Variants in CFAP43 observed in about 807,000 individuals in gnomAD.
The protein encoded by CFAP43 is cilia and flagella associated protein 43, also known as cilia- and flagella-associated protein 43.
In CFAP43, 155 loss-of-function variants were observed where a neutral mutation model predicts 218.9. That is an observed-to-expected ratio of 0.71 (90% CI 0.62 to 0.81). CFAP43 has a LOEUF of 0.81. Among genes scored for constraint, CFAP43 ranks in the 30% least tolerant of loss-of-function variants. The probability of loss-of-function intolerance (pLI) is 0.00; values close to 1 mark genes in which losing one functional copy is unlikely to be tolerated. For synonymous variants in CFAP43, 645 were observed against 681.3 expected, an observed-to-expected ratio of 0.95 and a Z score of 0.83; for missense variants, 1,778 against 1,954.3, an observed-to-expected ratio of 0.91 and a Z score of 1.70.
At chr10:104,130,916 T>C (rs746272464) in intron 37 of CFAP43, among the ~76,000 whole-genome samples, 2 of 150,252 alleles carry the variant, frequency 1.3e-5, no homozygotes, top group Non-Finnish European at 3.0e-5. Flanking sequence ...GGAGGATCAA[T>C]TGAGCCCAGG....
Position 104,131,506 on chromosome 10 carries a change from C to T in CFAP43, c.4678-22G>A, listed in dbSNP as rs1011608944. ...GCATCTGAAATTTTTGTTCCCATGA[C>T]ACCCCACAAAATTAATTTTGAAAAA... On this transcript the variant is annotated intron_variant, in intron 36 of 37. Transcript: ENST00000357060. 1.9e-6 allele frequency: 3 copies of T among 1,590,466 alleles called. No individual in the cohort carries two copies. The African/African-American group carries it at 4.1e-5, about 22-fold the overall frequency.
At chr10:104,141,487 C>T (rs2134748370) in intron 33 of CFAP43, among the ~76,000 whole-genome samples, 1 of 152,196 alleles carries the variant, frequency 6.6e-6, no homozygotes, top group African/African-American at 2.4e-5. Context: ...TGACAGGCAC[C>T]TGTAATCCCA....
Position 104,152,618 on chromosome 10 carries a change from C to A in CFAP43, c.3649G>T (p.Val1217Phe). The change falls in exon 28 of 38, where the codon GTT becomes TTT. Residue 1217 changes from valine to phenylalanine, a missense_variant. Transcript: ENST00000357060. ...LFERRVKAEM[V>F]TNQEELKISN... ...AAGCTTTTATTTACCTGGTTGGTAACCATCTCTGCCTTCACTCTCCTTTCA... is the reference window on the plus strand; with the variant it reads ...AAGCTTTTATTTACCTGGTTGGTAAACATCTCTGCCTTCACTCTCCTTTCA... 1 of 1,613,626 alleles carries A rather than the reference C, an allele frequency of 6.2e-7. No individual in the cohort carries two copies. Among genetic ancestry groups the A allele is most frequent in the Non-Finnish European group, 8.5e-7 (1 of 1,179,774 alleles).
At chr10:104,198,896 C>A (rs963164597) in intron 8 of CFAP43, among the ~76,000 whole-genome samples, 5 of 152,184 alleles carry the variant, frequency 3.3e-5, no homozygotes, top group Non-Finnish European at 7.3e-5. Context: ...AGTAATCCCC[C>A]CTCCTCGACC....
intron 5 of CFAP43, among the ~76,000 whole-genome samples, 154 bp downstream of exon 5, chr10:104,211,853 C>A (rs2090872816): frequency 6.6e-6 from 1 of 152,192 alleles, no homozygotes; most frequent in African/African-American, 2.4e-5. Flanking sequence ...CCAGAGTCTT[C>A]ATCTCTCACA....
rs2087664885 is a variant in CFAP43 at position 104,140,697 on chromosome 10, C to T, written c.4431+145G>A. 9.9e-6 allele frequency: 6 copies of T among 604,528 alleles called. No homozygotes were observed. In the East Asian group the frequency reaches 1.9e-4, roughly 19 times the overall value. The allele number at this position is 604,528 out of a possible 1,614,324, so 37.4% of individuals were successfully genotyped here. ...GTGTGGTGGTGTGAACCTGTACTCC[C>T]AGCTACTTGGGAGGTGAAGGTGGGA... On this transcript the variant is annotated intron_variant, in intron 34 of 37. Coordinates refer to ENST00000357060, the MANE Select transcript of CFAP43 (RefSeq NM_025145.7).
chr10:104,138,466 G>C (rs2087551404), intron 34 of CFAP43, among the ~76,000 whole-genome samples: 1 of 151,642 alleles, frequency 6.6e-6, no homozygotes, highest in Non-Finnish European at 1.5e-5. Context: ...ACCTGAGGTT[G>C]GTAGTTCGAG....
intron 8 of CFAP43, among the ~76,000 whole-genome samples, chr10:104,202,445 C>T (rs146131250): frequency 6.6e-5 from 10 of 152,284 alleles, no homozygotes; most frequent in South Asian, 2.1e-4. Context: ...GGGAAATCCC[C>T]AGTCAATATC....
intron 4 of CFAP43, among the ~76,000 whole-genome samples, chr10:104,213,388 G>A (rs1170335682): frequency 1.3e-5 from 2 of 152,112 alleles, no homozygotes; most frequent in Non-Finnish European, 1.5e-5. Flanking sequence ...TTGAGTCTCC[G>A]AGCTCTTTCT....
chr10:104,140,313 C>T (rs2087648110), intron 34 of CFAP43, among the ~76,000 whole-genome samples: 1 of 152,150 alleles, frequency 6.6e-6, no homozygotes, highest in African/African-American at 2.4e-5. Context: ...CCTTCTTGAA[C>T]CTTAGAATTA....
intron 31 of CFAP43, among the ~76,000 whole-genome samples, chr10:104,144,384 C>G (rs946970826): frequency 1.3e-4 from 20 of 152,238 alleles, no homozygotes; most frequent in Non-Finnish European, 2.2e-4. Flanking sequence ...GGCGAGATGG[C>G]TCACACCTAT....
intron 27 of CFAP43, among the ~76,000 whole-genome samples, chr10:104,154,965 AGG>A: frequency 6.6e-6 from 1 of 152,216 alleles, no homozygotes; most frequent in Non-Finnish European, 1.5e-5. Flanking sequence ...TGATTTCTGG[AGG>A]GGGCGCTCTT....
At position 104,229,596 on chromosome 10, in the gene CFAP43, G is replaced by A. The variant is rs556242819; in HGVS notation, c.319+994C>T. Among the ~76,000 whole-genome samples the A allele has an allele frequency of 1.1e-4, 17 of 152,050 alleles. No individual in the cohort carries two copies. The South Asian group carries it at 3.5e-3, about 32-fold the overall frequency. On this transcript the variant is annotated intron_variant, in intron 2 of 37. Coordinates refer to ENST00000357060, the MANE Select transcript of CFAP43 (RefSeq NM_025145.7). ...GGAGAATCACTTGAACCCAGGAGGT[G>A]GAGGCTGCAGTGAGCCAAGATCATG... is the stretch of plus-strand genomic sequence containing the variant.
In CFAP43 at chr10:104,230,464, CAAAACAAACACAA is replaced by C. The variant is rs977128054; in HGVS notation, c.319+113_319+125del. 5.4e-6 allele frequency: 7 copies of C among 1,302,284 alleles called. No homozygotes were observed. In the African/African-American group the frequency reaches 9.0e-5, roughly 17 times the overall value. The allele number at this position is 1,302,284 out of a possible 1,614,324, so 80.7% of individuals were successfully genotyped here. A position where few individuals can be genotyped will look rare whatever the true frequency, so the allele number is the denominator to read the frequency against. On this transcript the variant is annotated intron_variant, in intron 2 of 37. Transcript: ENST00000357060. ...TAGGCAACAGGGCAAAACTCCATCT[CAAAACAAACACAA>C]AAAACAAACAAAAAAAACCTTTCAA... is the stretch of plus-strand genomic sequence containing the variant.
intron 3 of CFAP43, among the ~76,000 whole-genome samples, chr10:104,216,749 A>C (rs80215902): frequency 0.012 from 1,775 of 152,074 alleles, 19 homozygotes; most frequent in South Asian, 0.033. Context: ...AACCAGTTGC[A>C]CTCGGTACCA....
intron 27 of CFAP43, among the ~76,000 whole-genome samples, chr10:104,159,408 T>G (rs1373095072): frequency 2.0e-5 from 3 of 152,174 alleles, no homozygotes; most frequent in Admixed American, 2.0e-4. Flanking sequence ...ATGAGAGATG[T>G]ATACAATTAT....
Position 104,188,375 on chromosome 10 carries a change from A to T in CFAP43, c.1582T>A (p.Ser528Thr). 6.2e-7 allele frequency: 1 copy of T among 1,614,108 alleles called. No homozygotes were observed. Among genetic ancestry groups the T allele is most frequent in the Non-Finnish European group, 8.5e-7 (1 of 1,180,010 alleles). ...TCCACTATGTCTGTTTCTAAAAGAG[A>T]CACTGTGGATATCTGTAAAATGTCT... The part of the protein sequence containing the change: ...AKDILQISTV[S>T]LLETDIVEVM... Residue 528 changes from serine to threonine, a missense_variant, in exon 13 of 38, where the codon TCT (serine) becomes ACT (threonine). Transcript: ENST00000357060.
rs781007266 is a variant in CFAP43 at position 104,192,190 on chromosome 10, A to C, written c.1546+9T>G. On this transcript the variant is annotated intron_variant, in intron 12 of 37. Transcript: ENST00000357060. ...AATATTTTAAATTAATCAGCATTCT[A>C]TGTTGTACCTGTGAATCCAATAATC... 2.5e-6 allele frequency: 4 copies of C among 1,586,106 alleles called. No individual in the cohort carries two copies. The highest frequency in any genetic ancestry group is 3.5e-6 in the Non-Finnish European group (4 of 1,157,844).
At chr10:104,203,377 T>C (rs1466523209) in intron 8 of CFAP43, 2 of 366,670 alleles carry the variant, frequency 5.5e-6, no homozygotes, top group African/African-American at 4.2e-5. Context: ...TGCATGGAAA[T>C]GGAGGCAGCA....
Sources: allele counts gnomAD v4.1 joint callset (sites outside exome capture counted in the v4.1 genomes callset), GRCh38; gene constraint gnomAD v4.1.1; transcripts MANE v1.5; gene names NCBI Gene and HGNC (gene_info 2026-07-23, HGNC 2026-07-21).